The following POR variants were observed in gnomAD, a reference collection of about 807,000 sequenced individuals.
POR encodes cytochrome p450 oxidoreductase.
A neutral mutation model predicts 84.0 loss-of-function variants in POR; 56 were observed. The ratio of observed to expected loss-of-function variants is 0.67; its 90% CI spans 0.54 to 0.83. POR has a LOEUF of 0.83. Ranked by LOEUF, POR falls within the 40% of genes least tolerant of loss-of-function variation. The pLI is 0.00. For missense variants in POR, 938 were observed against 944.3 expected (o/e 0.99, Z 0.09); for synonymous variants, 414 against 400.5 (o/e 1.03, Z -0.40).
intron 3 of POR, chr7:75,972,728 C>T (rs1788496945): frequency 3.7e-6 from 2 of 538,564 alleles, no homozygotes; most frequent in South Asian, 4.0e-5. Flanking sequence ...ACTCACGAAG[C>T]TTCTCCCGTC....
intron 1 of POR, among the ~76,000 whole-genome samples, chr7:75,943,302 T>C (rs1327512648): frequency 6.6e-6 from 1 of 152,138 alleles, no homozygotes; most frequent in Non-Finnish European, 1.5e-5. Flanking sequence ...GGCAGTACTT[T>C]TCAGTTATTC....
intron 6 of POR, 128 bp downstream of exon 6, chr7:75,981,300 G>A: frequency 1.4e-6 from 2 of 1,386,008 alleles, no homozygotes; most frequent in South Asian, 2.9e-5. Context: ...AGAGGGAAGG[G>A]GCTCTCCTGC....
intron 3 of POR, among the ~76,000 whole-genome samples, chr7:75,972,968 G>T (rs1788507422): frequency 1.3e-5 from 2 of 152,026 alleles, no homozygotes; most frequent in African/African-American, 2.4e-5. Flanking sequence ...GATTACAGGT[G>T]CGTGCCACCA....
intron 1 of POR, among the ~76,000 whole-genome samples, chr7:75,938,471 A>T (rs1289793671): frequency 6.6e-6 from 1 of 152,090 alleles, no homozygotes; most frequent in Non-Finnish European, 1.5e-5. Context: ...TTAAAAGTTT[A>T]TCTCGGCCGA....
rs1554558804 is a variant in POR, at chr7:75,984,907, C to T, written c.1197C>T (p.Pro399=). The T allele has an allele frequency of 1.2e-6, 2 of 1,610,810 alleles. No homozygotes were observed. The highest frequency in any genetic ancestry group is 3.3e-5 in the Admixed American group (2 of 59,938). ...AGCTGGCGCAGTACGCCTCGGAGCC[C>T]TCGGAGCAGGAGCTGCTGCGCAAGA... The change falls in exon 11 of 16, where the codon CCC becomes CCT. Residue 399 remains proline, a synonymous_variant. Transcript: ENST00000461988.
chr7:75,970,463 G>A (rs1045840138), intron 2 of POR, among the ~76,000 whole-genome samples: 4 of 151,790 alleles, frequency 2.6e-5, no homozygotes. Flanking sequence ...TCCCACCTCA[G>A]CCTCCTGAGT....
chr7:75,952,425 A>G (rs1386465612), intron 1 of POR, among the ~76,000 whole-genome samples: 1 of 110,232 alleles, frequency 9.1e-6, no homozygotes, highest in Non-Finnish European at 1.8e-5. Context: ...TGACCCCCCC[A>G]CCTCCCTCCC....
At chr7:75,977,865 T>G (rs1260157659) in intron 3 of POR, among the ~76,000 whole-genome samples, 3 of 152,240 alleles carry the variant, frequency 2.0e-5, no homozygotes, top group African/African-American at 7.2e-5. Flanking sequence ...CACATGTGCA[T>G]GAGGGGCCAG....
chr7:75,936,931 A>G (rs1554550908), intron 1 of POR, among the ~76,000 whole-genome samples: 4 of 143,374 alleles, frequency 2.8e-5, no homozygotes, highest in African/African-American at 1.1e-4. Context: ...GGTTCATGCC[A>G]TTCTCCTGCC....
intron 2 of POR, among the ~76,000 whole-genome samples, chr7:75,955,987 A>T (rs1282329083): frequency 6.6e-6 from 1 of 152,176 alleles, no homozygotes; most frequent in Non-Finnish European, 1.5e-5. Flanking sequence ...ACAGGGAATT[A>T]GTTTTACATT....
intron 14 of POR, 31 bp from the exon 15 acceptor site, chr7:75,986,128 G>C (rs782449098): frequency 6.3e-6 from 10 of 1,590,768 alleles, no homozygotes; most frequent in Non-Finnish European, 7.7e-6. Context: ...CAGCCACAGT[G>C]CCCCCCTCAC....
chr7:75,973,712 C>T (rs182270932), intron 3 of POR, among the ~76,000 whole-genome samples: 17 of 113,446 alleles, frequency 1.5e-4, no homozygotes, highest in South Asian at 9.2e-4. Flanking sequence ...GACAGAGTCT[C>T]GCTCTGTCGC....
chr7:75,958,116 C>CTATT (rs1255572668), intron 2 of POR, among the ~76,000 whole-genome samples: 4 of 152,038 alleles, frequency 2.6e-5, no homozygotes, highest in Non-Finnish European at 5.9e-5. Flanking sequence ...TGGATTGTTA[C>CTATT]TATTTATTTA....
rs1040011042 is a variant in POR, at chr7:75,981,075, G to A, written c.544G>A (p.Glu182Lys). The change falls in exon 6 of 16, where the codon GAG (glutamate) becomes AAG (lysine). Residue 182 changes from glutamate to lysine, a missense_variant. Transcript: ENST00000461988. The stretch of plus-strand genomic sequence containing the variant: ...GTTTGGTCTTGGGAACAAGACCTAC[G>A]AGCACTTCAATGCCATGGGCAAGTA... The A allele has an allele frequency of 8.9e-6, 14 of 1,575,846 alleles. No homozygotes were observed. The highest frequency in any genetic ancestry group is 6.8e-5 in the African/African-American group (5 of 74,052).
intron 1 of POR, among the ~76,000 whole-genome samples, chr7:75,950,196 C>G (rs1416955975): frequency 1.3e-5 from 2 of 152,184 alleles, no homozygotes; most frequent in African/African-American, 4.8e-5. Context: ...TAAAGCATCC[C>G]CCTGTCTGCT....
intron 1 of POR, among the ~76,000 whole-genome samples, chr7:75,949,170 T>G (rs1483214648): frequency 6.7e-6 from 1 of 149,274 alleles, no homozygotes; most frequent in Non-Finnish European, 1.5e-5. Context: ...TGTTGTTGTT[T>G]TTGAGACGGA....
chr7:75,971,603 C>T (rs1413172574), intron 2 of POR, among the ~76,000 whole-genome samples: 1 of 152,088 alleles, frequency 6.6e-6, no homozygotes, highest in African/African-American at 2.4e-5. Flanking sequence ...CCAGGCTGCC[C>T]TCTGGAGGGG....
Position 75,981,087 on chromosome 7 carries a change from G to T in POR, c.556G>T (p.Ala186Ser), listed in dbSNP as rs1554557744. 1 of 1,574,778 alleles carries T rather than the reference G, an allele frequency of 6.4e-7. No individual in the cohort carries two copies. The change falls in exon 6 of 16, where the codon GCC (alanine) becomes TCC (serine). Residue 186 changes from alanine (A) to serine (S), a missense_variant. Transcript: ENST00000461988. The stretch of plus-strand genomic sequence containing the variant: ...GAACAAGACCTACGAGCACTTCAAT[G>T]CCATGGGCAAGTACGTGGACAAGCG...
At chr7:75,960,476 CTTATTTATTTTTTT>C (rs1421857443) in intron 2 of POR, among the ~76,000 whole-genome samples, 1 of 151,970 alleles carries the variant, frequency 6.6e-6, no homozygotes, top group African/African-American at 2.4e-5. Flanking sequence ...CCATGCCTGG[CTTATTTATTTTTTT>C]TTAAAGACAT....
Sources: allele counts gnomAD v4.1 joint callset (sites outside exome capture counted in the v4.1 genomes callset), GRCh38; gene constraint gnomAD v4.1.1; transcripts MANE v1.5; gene names NCBI Gene and HGNC (gene_info 2026-07-23, HGNC 2026-07-21).